Variants in MASTL observed in about 807,000 individuals in gnomAD.
The protein encoded by MASTL is serine/threonine-protein kinase greatwall.
Under a neutral mutation model 82.5 loss-of-function variants are expected in MASTL, and 54 were observed. The ratio of observed to expected loss-of-function variants is 0.65; its 90% confidence interval spans 0.53 to 0.82. The LOEUF (loss-of-function observed/expected upper bound fraction) is 0.82. MASTL is among the 40% of genes least tolerant of loss of function. The pLI, the probability that MASTL is intolerant of heterozygous loss-of-function variation, is 0.00. For missense variants in MASTL, 950 were observed against 1,047.8 expected, an observed-to-expected ratio of 0.91 and a Z score of 1.29; for synonymous variants, 323 against 368.9, an observed-to-expected ratio of 0.88 and a Z score of 1.43.
chr10:27,156,661 G>A (rs1292024803), intron 1 of MASTL, among the ~76,000 whole-genome samples: 2 of 149,930 alleles, frequency 1.3e-5, no homozygotes, highest in African/African-American at 4.9e-5. Flanking sequence ...CACCATGCCT[G>A]GCTGATTTGT....
chr10:27,163,930 T>TATTC (rs1430482794), intron 4 of MASTL, among the ~76,000 whole-genome samples: 1 of 104,082 alleles, frequency 9.6e-6, no homozygotes, highest in Non-Finnish European at 2.2e-5. Context: ...GCGCCCAGCC[T>TATTC]ATTCATTCAT....
chr10:27,155,495 G>C lies in MASTL; in HGVS notation c.69G>C (p.Arg23Ser), dbSNP rs1174877976. ...GGAATEEGVNRIAVPKPPSIE... is the reference protein window; with the variant it reads ...GGAATEEGVNSIAVPKPPSIE... ...CGGCGACTGAGGAGGGCGTGAATAG[G>C]ATCGCAGTGCCAAAACCGCCCTCCA... is the stretch of plus-strand genomic sequence containing the variant. Residue 23 changes from arginine (R) to serine (S), a missense_variant, in exon 1 of 12, where the codon AGG becomes AGC. Transcript: ENST00000375940. 6.2e-7 allele frequency: 1 copy of C among 1,614,064 alleles called. No individual in the cohort carries two copies. Among genetic ancestry groups the C allele is most frequent in the Non-Finnish European group, 8.5e-7 (1 of 1,180,024 alleles).
chr10:27,163,123 G>A lies in MASTL; in HGVS notation c.553+1941G>A, dbSNP rs1387903962. Among the ~76,000 whole-genome samples the A allele has an allele frequency of 3.3e-5, 5 of 152,022 alleles. No individual in the cohort carries two copies. The East Asian group carries it at 7.7e-4, about 24-fold the overall frequency. On this transcript the variant is annotated intron_variant, in intron 4 of 11. Coordinates refer to ENST00000375940, the MANE Select transcript of MASTL (RefSeq NM_001172303.3). ...GTAGAGACACAGTTTCACCATGTTGGCCAGGCTGGTCTCGAGCTCCTGACC... is the reference window on the plus strand; with the variant it reads ...GTAGAGACACAGTTTCACCATGTTGACCAGGCTGGTCTCGAGCTCCTGACC...
chr10:27,158,868 T>C (rs1262512544), intron 2 of MASTL, among the ~76,000 whole-genome samples, 182 bp downstream of exon 2: 1 of 152,180 alleles, frequency 6.6e-6, no homozygotes, highest in African/African-American at 2.4e-5. Context: ...CAATAAGATA[T>C]ATGCATACGG....
At position 27,155,617 on chromosome 10, in the gene MASTL, GA is replaced by G. The variant is rs775862687; in HGVS notation, c.186+7del. The G allele has an allele frequency of 1.2e-5, 19 of 1,614,028 alleles. No homozygotes were observed. The South Asian group carries it at 2.1e-4, about 18-fold the overall frequency. On this transcript the variant is annotated splice_donor_region_variant and intron_variant, in intron 1 of 11. Transcript: ENST00000375940. ...GGCAAATTGTATGCAGTAAAGGTAGGAAGTCAACGAGTAGCAAGGAAGGGGT... is the reference window on the plus strand; with the variant it reads ...GGCAAATTGTATGCAGTAAAGGTAGGAGTCAACGAGTAGCAAGGAAGGGGT...
intron 9 of MASTL, among the ~76,000 whole-genome samples, chr10:27,178,255 G>C (rs1326572159): frequency 1.3e-5 from 2 of 152,094 alleles, no homozygotes; most frequent in African/African-American, 4.8e-5. Flanking sequence ...AATTAGCTGG[G>C]TGTGGTGGCT....
chr10:27,171,825 C>CTTTTTTTTTT (rs112511530), intron 8 of MASTL, among the ~76,000 whole-genome samples: 8 of 93,558 alleles, frequency 8.6e-5, no homozygotes, highest in African/African-American at 2.6e-4. Flanking sequence ...AAATATGTTT[C>CTTTTTTTTTT]TTTTTTTTTT....
Position 27,171,659 on chromosome 10 carries a change from G to A in MASTL, c.2124+576G>A, listed in dbSNP as rs148763108. Among the ~76,000 whole-genome samples the A allele has an allele frequency of 2.0e-3, 305 of 151,224 alleles. 1 individual carries two copies. The highest frequency in any genetic ancestry group is 7.0e-3 in the African/African-American group (287 of 41,170). ...TGTTGCCCAGGCTGATCTCAAACTC[G>A]TGACCTCAAGCAATCCGCCCACCTC... On this transcript the variant is annotated intron_variant, in intron 8 of 11. Coordinates refer to ENST00000375940, the MANE Select transcript of MASTL (RefSeq NM_001172303.3).
chr10:27,165,675 C>T (rs769238084), intron 6 of MASTL, 136 bp downstream of exon 6: 231 of 987,350 alleles, frequency 2.3e-4, no homozygotes, highest in South Asian at 5.2e-4. Flanking sequence ...TGCAATGGCG[C>T]GATCTCGGCG....
In MASTL at chr10:27,165,539, T is replaced by C. The variant is rs144275999; in HGVS notation, c.811T>C (p.Cys271Arg). 33 of 1,614,008 alleles carry C rather than the reference T, an allele frequency of 2.0e-5. No homozygotes were observed. In the African/African-American group the frequency reaches 2.4e-4, roughly 12 times the overall value. Residue 271 changes from cysteine to arginine, a missense_variant and splice_region_variant, in exon 6 of 12, where the codon TGT becomes CGT. Physicochemically the swap from Cys to Arg is radical, Grantham distance 180. Transcript: ENST00000375940. ...TTATTCTAGCAAATTACTAAAATCA[T>C]GTGAGTATAAAAGAAAAGGTAGGCC... is the stretch of plus-strand genomic sequence containing the variant. Reference protein sequence around the residue: ...TPYSSKLLKSCLETVASNPGM... With the variant: ...TPYSSKLLKSRLETVASNPGM...
chr10:27,173,184 G>GC lies in MASTL; in HGVS notation c.2196dup (p.Val733ArgfsTer2). 6.2e-7 allele frequency: 1 copy of GC among 1,614,122 alleles called. No individual in the cohort carries two copies. Among genetic ancestry groups the GC allele is most frequent in the East Asian group, 2.2e-5 (1 of 44,874 alleles). On this transcript the variant is annotated frameshift_variant, in exon 9 of 12. Coordinates refer to ENST00000375940, the MANE Select transcript of MASTL (RefSeq NM_001172303.3). LOFTEE classifies it high-confidence loss of function. ...TCCGAAGAGTGTGAGAAGAGGGGTG[G>GC]CCCCCGTTGATGATGGGCGAATTCT...
intron 2 of MASTL, among the ~76,000 whole-genome samples, 178 bp downstream of exon 2, chr10:27,158,864 G>A (rs2057478987): frequency 6.6e-6 from 1 of 152,190 alleles, no homozygotes. Flanking sequence ...GAACCAATAA[G>A]ATATATGCAT....
intron 9 of MASTL, among the ~76,000 whole-genome samples, chr10:27,174,600 T>G (rs1287749817): frequency 6.6e-6 from 1 of 152,100 alleles, no homozygotes; most frequent in Non-Finnish European, 1.5e-5. Flanking sequence ...AGGGAAATCC[T>G]TCTTTGCCTC....
chr10:27,176,028 C>T (rs952039258), intron 9 of MASTL, among the ~76,000 whole-genome samples: 2 of 150,244 alleles, frequency 1.3e-5, no homozygotes, highest in South Asian at 2.1e-4. Flanking sequence ...ACCCGGGAGG[C>T]GGAGGTTGCA....
At position 27,170,236 on chromosome 10, in the gene MASTL, G is replaced by A; in HGVS notation, c.1277G>A (p.Trp426Ter). ...TTAGGTTTCCATCAGTCAAATCAGT[G>A]GGCTGTGGATTCTGGTGGGATATCT... ...SQLGFHQSNQ[W>*]AVDSGGISEE... The change falls in exon 8 of 12, where the codon TGG becomes TAG. Residue 426 changes from tryptophan to a stop codon, truncating the protein, a stop_gained. Transcript: ENST00000375940. LOFTEE classifies it high-confidence loss of function. 1 of 1,614,040 alleles carries A rather than the reference G, an allele frequency of 6.2e-7. No individual in the cohort carries two copies. The highest frequency in any genetic ancestry group is 8.5e-7 in the Non-Finnish European group (1 of 1,180,036).
intron 10 of MASTL, 72 bp downstream of exon 10, chr10:27,181,138 A>C: frequency 8.5e-7 from 1 of 1,178,808 alleles, no homozygotes; most frequent in Admixed American, 1.7e-5. Flanking sequence ...TAATCCCAGC[A>C]CTTTGGGAGG....
intron 9 of MASTL, among the ~76,000 whole-genome samples, chr10:27,180,641 C>T (rs761589801): frequency 5.9e-5 from 9 of 152,140 alleles, no homozygotes; most frequent in Non-Finnish European, 1.2e-4. Context: ...ATCCACCCTC[C>T]CCAGCCACCC....
At chr10:27,183,435 C>T (rs540147652) in intron 11 of MASTL, among the ~76,000 whole-genome samples, 1 of 152,144 alleles carries the variant, frequency 6.6e-6, no homozygotes, top group South Asian at 2.1e-4. Context: ...AGGCATGTGC[C>T]ACCACGCCCA....
intron 4 of MASTL, among the ~76,000 whole-genome samples, chr10:27,162,895 G>A (rs552259217): frequency 2.0e-5 from 3 of 152,200 alleles, no homozygotes; most frequent in African/African-American, 4.8e-5. Flanking sequence ...CTATGCTGAT[G>A]TAGGGGTATT....
Sources: gnomAD v4.1 joint callset for allele counts (sites outside exome capture counted in the v4.1 genomes callset) on GRCh38, gnomAD v4.1.1 for gene constraint, MANE v1.5 for transcripts, NCBI Gene and HGNC (gene_info 2026-07-23, HGNC 2026-07-21) for gene names.